The following RIN3 variants were observed in gnomAD, a reference collection of about 807,000 sequenced individuals.
The protein encoded by RIN3 is Ras and Rab interactor 3.
A neutral mutation model predicts 76.3 loss-of-function variants in RIN3; 54 were observed. The observed-to-expected ratio is 0.71, with a 90% CI of 0.57 to 0.89. The LOEUF is 0.89. RIN3 is among the 40% of genes least tolerant of loss of function. The pLI, the probability that RIN3 is intolerant of heterozygous loss-of-function variation, is 0.00. For missense variants in RIN3, 1,256 were observed against 1,322.1 expected, an observed-to-expected ratio of 0.95 and a Z score of 0.78; for synonymous variants, 576 against 564.0, an observed-to-expected ratio of 1.02 and a Z score of -0.30.
intron 3 of RIN3, among the ~76,000 whole-genome samples, chr14:92,609,284 C>T (rs1486741642): frequency 6.6e-6 from 1 of 152,178 alleles, no homozygotes; most frequent in Non-Finnish European, 1.5e-5. Flanking sequence ...GCATCTCTAC[C>T]TGCCCCTGAC....
intron 4 of RIN3, among the ~76,000 whole-genome samples, chr14:92,627,089 G>A (rs1309518015): frequency 6.6e-6 from 1 of 152,068 alleles, no homozygotes; most frequent in Non-Finnish European, 1.5e-5. Context: ...TAATATTTCA[G>A]CATGAGACCT....
rs1183791346 is a variant in RIN3 at position 92,631,471 on chromosome 14, G to C, written c.441-9767G>C. 2.0e-5 allele frequency among the ~76,000 whole-genome samples: 3 copies of C among 152,214 alleles called. No individual in the cohort carries two copies. In the East Asian group the frequency reaches 5.8e-4, roughly 29 times the overall value. On this transcript the variant is annotated intron_variant, in intron 4 of 9. Transcript: ENST00000216487. Reference sequence around the variant, plus strand: ...CAAAGCCTAGGTGGACTGGCGTAAGGGCTCTAGAGAGGGTTTCCAGACCTG... The same window carrying C: ...CAAAGCCTAGGTGGACTGGCGTAAGCGCTCTAGAGAGGGTTTCCAGACCTG...
At chr14:92,584,192 C>A (rs1317102078) in intron 3 of RIN3, among the ~76,000 whole-genome samples, 1 of 152,192 alleles carries the variant, frequency 6.6e-6, no homozygotes, top group Non-Finnish European at 1.5e-5. Context: ...CCCACAGATA[C>A]CAAGGGACAA....
chr14:92,647,303 C>A (rs1229223556), intron 5 of RIN3, among the ~76,000 whole-genome samples: 1 of 152,182 alleles, frequency 6.6e-6, no homozygotes, highest in East Asian at 1.9e-4. Flanking sequence ...AAGGTGTAAT[C>A]TTGGACTTTA....
chr14:92,521,389 T>C (rs1218775873), intron 1 of RIN3, among the ~76,000 whole-genome samples: 1 of 152,190 alleles, frequency 6.6e-6, no homozygotes, highest in African/African-American at 2.4e-5. Flanking sequence ...GTTTGTCCCC[T>C]CCAAATCTCA....
intron 4 of RIN3, among the ~76,000 whole-genome samples, chr14:92,617,970 A>G (rs1886034572): frequency 6.6e-6 from 1 of 152,232 alleles, no homozygotes; most frequent in Admixed American, 6.5e-5. Context: ...CTAATAAATT[A>G]TGCCCTTCTA....
intron 2 of RIN3, among the ~76,000 whole-genome samples, chr14:92,562,275 T>C (rs1897797943): frequency 6.6e-6 from 1 of 152,182 alleles, no homozygotes; most frequent in Admixed American, 6.5e-5. Context: ...ACTTAACCAC[T>C]GGTGATGTTG....
At chr14:92,558,356 T>A (rs2402169) in intron 2 of RIN3, among the ~76,000 whole-genome samples, 130,660 of 152,104 alleles carry the variant, frequency 0.86, 56,208 homozygotes, top group East Asian at 1. Context: ...CCAAAAAAAA[T>A]GATTAAAAAG....
In RIN3 at chr14:92,688,267, G is replaced by A. The variant is rs1285927163; in HGVS notation, c.*15G>A. 1 of 1,548,886 alleles carries A rather than the reference G, an allele frequency of 6.5e-7. No individual in the cohort carries two copies. ...ACTTCCTGTGAGGCCCTCCCGGGGC[G>A]CCTCCCCTCACCCCCAGGCGCACGT... On this transcript the variant is annotated 3_prime_UTR_variant, in exon 10 of 10. Coordinates refer to ENST00000216487, the MANE Select transcript of RIN3 (RefSeq NM_024832.5).
At chr14:92,564,034 C>G (rs1228739583) in intron 2 of RIN3, among the ~76,000 whole-genome samples, 1 of 152,200 alleles carries the variant, frequency 6.6e-6, no homozygotes, top group East Asian at 1.9e-4. Context: ...GTGGACATAG[C>G]CTCTCAGAAG....
At chr14:92,626,030 T>A (rs1390820063) in intron 4 of RIN3, among the ~76,000 whole-genome samples, 1 of 152,234 alleles carries the variant, frequency 6.6e-6, no homozygotes, top group Non-Finnish European at 1.5e-5. Flanking sequence ...CATATTTCCT[T>A]ATTTGTTCCC....
intron 3 of RIN3, among the ~76,000 whole-genome samples, chr14:92,584,591 A>G (rs550780018): frequency 2.6e-5 from 4 of 152,114 alleles, no homozygotes; most frequent in Admixed American, 6.6e-5. Flanking sequence ...CTCACTGGGG[A>G]CCCTCAGAGG....
At chr14:92,518,229 C>T (rs111600586) in intron 1 of RIN3, among the ~76,000 whole-genome samples, 4 of 152,344 alleles carry the variant, frequency 2.6e-5, no homozygotes, top group African/African-American at 9.6e-5. Context: ...TCATGACTTC[C>T]TACTTCAGTT....
In RIN3 at chr14:92,547,048, A is replaced by G. The variant is rs897120494; in HGVS notation, c.45-8703A>G. Reference sequence around the variant, plus strand: ...AATTATTATTTTATTTTATTTTATTATAATAAAATAAATTATATTTTATTT... The same window carrying G: ...AATTATTATTTTATTTTATTTTATTGTAATAAAATAAATTATATTTTATTT... On this transcript the variant is annotated intron_variant, in intron 1 of 9. Transcript: ENST00000216487. Among the ~76,000 whole-genome samples, 130 of 111,298 alleles carry G rather than the reference A, an allele frequency of 1.2e-3. 14 individuals are homozygous for G. Among genetic ancestry groups the G allele is most frequent in the African/African-American group, 3.7e-3 (123 of 33,288 alleles). 73.0% of individuals were successfully genotyped at this position (111,298 alleles called of 152,430 possible).
intron 3 of RIN3, among the ~76,000 whole-genome samples, chr14:92,581,804 C>T (rs1884551168): frequency 6.6e-6 from 1 of 152,164 alleles, no homozygotes; most frequent in South Asian, 2.1e-4. Context: ...AAGACAGAGA[C>T]CTCGGTATAG....
At chr14:92,586,657 A>G (rs1884787468) in intron 3 of RIN3, 1 of 152,154 alleles carries the variant, frequency 6.6e-6, no homozygotes, top group Non-Finnish European at 1.5e-5. Flanking sequence ...TGAACATTTC[A>G]AAGACTTTGC....
chr14:92,608,297 C>T (rs1354012729), intron 3 of RIN3, among the ~76,000 whole-genome samples: 1 of 152,106 alleles, frequency 6.6e-6, no homozygotes, highest in African/African-American at 2.4e-5. Flanking sequence ...ACAGGACTTC[C>T]CTATTCATTT....
intron 4 of RIN3, among the ~76,000 whole-genome samples, chr14:92,619,362 C>T (rs1228017443): frequency 6.7e-6 from 1 of 149,484 alleles, no homozygotes; most frequent in African/African-American, 2.5e-5. Flanking sequence ...CCTTTTATAA[C>T]CTTTTACAAA....
chr14:92,631,515 C>T (rs1206474708), intron 4 of RIN3, among the ~76,000 whole-genome samples: 5 of 152,134 alleles, frequency 3.3e-5, no homozygotes, highest in East Asian at 1.9e-4. Flanking sequence ...CCACAGTCAC[C>T]GAATAGCTGG....
Sources: allele counts gnomAD v4.1 joint callset (sites outside exome capture counted in the v4.1 genomes callset), GRCh38; gene constraint gnomAD v4.1.1; transcripts MANE v1.5; gene names NCBI Gene and HGNC (gene_info 2026-07-23, HGNC 2026-07-21).